Variants in RUNX2 observed in about 807,000 individuals in gnomAD.
RUNX2 encodes runt-related transcription factor 2.
Under a neutral mutation model 51.7 loss-of-function variants are expected in RUNX2, and 10 were observed. That is an observed-to-expected ratio of 0.19 (90% CI 0.12 to 0.33). RUNX2 has a LOEUF of 0.33. RUNX2 is among the 10% of genes least tolerant of loss of function. The probability of loss-of-function intolerance (pLI) is 1.00; values close to 1 mark genes in which losing one functional copy is unlikely to be tolerated. For synonymous variants in RUNX2, 276 were observed against 273.6 expected, an observed-to-expected ratio of 1.01 and a Z score of -0.09; for missense variants, 562 against 691.3, an observed-to-expected ratio of 0.81 and a Z score of 2.10.
intron 2 of RUNX2, among the ~76,000 whole-genome samples, chr6:45,381,794 AG>A (rs1398425328): frequency 3.9e-5 from 6 of 152,330 alleles, no homozygotes; most frequent in African/African-American, 9.6e-5. Flanking sequence ...GATGCACTGC[AG>A]GGGGTTGGGG....
At chr6:45,383,699 G>A (rs1220814248) in intron 2 of RUNX2, among the ~76,000 whole-genome samples, 1 of 152,116 alleles carries the variant, frequency 6.6e-6, no homozygotes, top group Non-Finnish European at 1.5e-5. Context: ...GAAACATCCA[G>A]TTCTCCAAAG....
chr6:45,540,497 G>C (rs933632266), intron 7 of RUNX2, among the ~76,000 whole-genome samples: 1 of 151,980 alleles, frequency 6.6e-6, no homozygotes, highest in South Asian at 2.1e-4. Context: ...TCGTGTTGCC[G>C]CTCAGATCTA....
chr6:45,377,411 C>A (rs1409816512), intron 2 of RUNX2: 1 of 152,414 alleles, frequency 6.6e-6, no homozygotes, highest in Non-Finnish European at 1.5e-5. Flanking sequence ...CAATTTCCCT[C>A]TTTAATGATT....
At chr6:45,360,348 G>C (rs1794041399) in intron 2 of RUNX2, among the ~76,000 whole-genome samples, 1 of 152,154 alleles carries the variant, frequency 6.6e-6, no homozygotes, top group African/African-American at 2.4e-5. Flanking sequence ...TTCTATACAA[G>C]CATTCATTAT....
intron 7 of RUNX2, among the ~76,000 whole-genome samples, chr6:45,536,672 T>A (rs1358349327): frequency 6.6e-6 from 1 of 152,240 alleles, no homozygotes; most frequent in African/African-American, 2.4e-5. Context: ...GCATCTCTCC[T>A]GGACCAGTGC....
In RUNX2 at chr6:45,476,254, A is replaced by G. The variant is rs59976723; in HGVS notation, c.686-15687A>G. The stretch of plus-strand genomic sequence containing the variant: ...AGTGAGTCTGTTTTATTTTGTTTCC[A>G]TATTTCTCCTAAGCTTACTGGAGTG... On this transcript the variant is annotated intron_variant, in intron 5 of 8. Coordinates refer to ENST00000647337, the MANE Select transcript of RUNX2 (RefSeq NM_001024630.4). Among the ~76,000 whole-genome samples, 11 of 152,294 alleles carry G rather than the reference A, an allele frequency of 7.2e-5. No individual in the cohort carries two copies. The East Asian group carries it at 1.7e-3, about 24-fold the overall frequency.
In RUNX2 at chr6:45,512,052, C is replaced by T. The variant is rs115185709; in HGVS notation, c.860-194C>T. 6.2e-3 allele frequency among the ~76,000 whole-genome samples: 945 copies of T among 151,978 alleles called. 8 individuals carry two copies. Among genetic ancestry groups the T allele is most frequent in the African/African-American group, 0.021 (872 of 41,442 alleles). On this transcript the variant is annotated intron_variant, in intron 6 of 8. Coordinates refer to ENST00000647337, the MANE Select transcript of RUNX2 (RefSeq NM_001024630.4). ...TTTCATTGAGACTCAAAGTCTAGAA[C>T]GCTTTGTGCTATTTAAGGCCTGAAA...
chr6:45,333,886 T>C (rs1788017449), intron 2 of RUNX2, among the ~76,000 whole-genome samples: 1 of 151,272 alleles, frequency 6.6e-6, no homozygotes, highest in African/African-American at 2.4e-5. Context: ...AAAAGATAAA[T>C]GTTTACCTTG....
intron 2 of RUNX2, among the ~76,000 whole-genome samples, chr6:45,335,319 G>A (rs1446043740): frequency 6.6e-6 from 1 of 151,084 alleles, no homozygotes; most frequent in African/African-American, 2.4e-5. Context: ...TTACTTTGAA[G>A]CTTAAAAGAA....
chr6:45,358,225 T>C lies in RUNX2; in HGVS notation c.58+29441T>C, dbSNP rs75721683. Among the ~76,000 whole-genome samples the C allele has an allele frequency of 4.5e-4, 68 of 152,316 alleles. No individual in the cohort carries two copies. The East Asian group carries it at 0.011, about 25-fold the overall frequency. On this transcript the variant is annotated intron_variant, in intron 2 of 8. Coordinates refer to ENST00000647337, the MANE Select transcript of RUNX2 (RefSeq NM_001024630.4). ...CAGAAAAGAAGCATTCTATAAATAA[T>C]TTGTATTTACTATATTTCTTCTGTG... is the stretch of plus-strand genomic sequence containing the variant.
At chr6:45,414,754 C>CTTTTTTTTTTT (rs34672680) in intron 2 of RUNX2, among the ~76,000 whole-genome samples, 4 of 33,448 alleles carry the variant, frequency 1.2e-4, no homozygotes, top group Non-Finnish European at 1.6e-4. Flanking sequence ...CAGATCCTGG[C>CTTTTTTTTTTT]TTTTTTTTTT....
At chr6:45,523,354 C>G (rs1007653633) in intron 7 of RUNX2, among the ~76,000 whole-genome samples, 32 of 152,030 alleles carry the variant, frequency 2.1e-4, no homozygotes, top group African/African-American at 7.5e-4. Context: ...CAACCTCCCC[C>G]TCCCAGGTTC....
intron 5 of RUNX2, among the ~76,000 whole-genome samples, chr6:45,439,241 G>A (rs907037928): frequency 1.3e-5 from 2 of 152,168 alleles, no homozygotes; most frequent in Non-Finnish European, 2.9e-5. Context: ...CTCCTTTCAT[G>A]TGTGTGGCAT....
intron 5 of RUNX2, among the ~76,000 whole-genome samples, chr6:45,488,704 A>T (rs1027891564): frequency 3.0e-5 from 4 of 131,832 alleles, no homozygotes; most frequent in Non-Finnish European, 6.6e-5. Flanking sequence ...CAATGATGGA[A>T]GGATTCAGGG....
rs201142802 is a variant in RUNX2 at position 45,403,229 on chromosome 6, C to CT, written c.59-19343dup. On this transcript the variant is annotated intron_variant, in intron 2 of 8. Coordinates refer to ENST00000647337, the MANE Select transcript of RUNX2 (RefSeq NM_001024630.4). Reference sequence around the variant, plus strand: ...CTTCCATACTTAATTGTTTGAGTTTCTTTTTTTTTTTTTTTTTTTTTGAGA... The same window carrying CT: ...CTTCCATACTTAATTGTTTGAGTTTCTTTTTTTTTTTTTTTTTTTTTTGAGA... 6.5e-3 allele frequency among the ~76,000 whole-genome samples: 712 copies of CT among 108,806 alleles called. 6 individuals are homozygous for CT. The highest frequency in any genetic ancestry group is 0.016 in the East Asian group (64 of 4,028). The allele number at this position is 108,806 out of a possible 152,430, so 71.4% of individuals were successfully genotyped here.
chr6:45,345,061 G>A lies in RUNX2; in HGVS notation c.58+16277G>A, dbSNP rs575607805. 7.2e-5 allele frequency among the ~76,000 whole-genome samples: 11 copies of A among 152,218 alleles called. No individual in the cohort carries two copies. In the East Asian group the frequency reaches 2.1e-3, roughly 29 times the overall value. On this transcript the variant is annotated intron_variant, in intron 2 of 8. Transcript: ENST00000647337. ...CTGTACATTAAAACGTTCCTCATGG[G>A]ATGAAACAGAGGAGAAACTACCCAC...
intron 2 of RUNX2, among the ~76,000 whole-genome samples, chr6:45,417,152 C>T (rs1045264549): frequency 2.0e-5 from 3 of 152,162 alleles, no homozygotes; most frequent in Admixed American, 1.3e-4. Context: ...ATAGGTCTTA[C>T]GAATATATTG....
chr6:45,538,424 C>T (rs1355988781), intron 7 of RUNX2, among the ~76,000 whole-genome samples: 1 of 151,982 alleles, frequency 6.6e-6, no homozygotes, highest in African/African-American at 2.4e-5. Context: ...TTATGCCACT[C>T]CAGGCAGATA....
In RUNX2 at chr6:45,529,070, G is replaced by A. The variant is rs185080875; in HGVS notation, c.1022-16147G>A. On this transcript the variant is annotated intron_variant, in intron 7 of 8. Transcript: ENST00000647337. ...AGATCCTTCAACCATGCCCTAAAAG[G>A]AGATTCCTCCTCATGAAACTCTAAA... Among the ~76,000 whole-genome samples the A allele has an allele frequency of 2.7e-3, 418 of 152,274 alleles. 3 individuals carry two copies. The highest frequency in any genetic ancestry group is 9.6e-3 in the African/African-American group (400 of 41,548).
Sources: allele counts gnomAD v4.1 joint callset (sites outside exome capture counted in the v4.1 genomes callset), GRCh38; gene constraint gnomAD v4.1.1; transcripts MANE v1.5; gene names NCBI Gene and HGNC (gene_info 2026-07-23, HGNC 2026-07-21).